Variants in CLSTN1 observed in about 807,000 individuals in gnomAD.
CLSTN1 encodes calsyntenin-1.
Under a neutral mutation model 108.3 loss-of-function variants are expected in CLSTN1, and 28 were observed. That is an observed-to-expected ratio of 0.26 (90% confidence interval 0.19 to 0.35). CLSTN1 has a LOEUF of 0.35. Among genes scored for constraint, CLSTN1 ranks in the 10% least tolerant of loss-of-function variants. The pLI is 1.00. For synonymous variants in CLSTN1, 524 were observed against 534.9 expected (o/e 0.98, Z 0.28); for missense variants, 1,157 against 1,302.6 (o/e 0.89, Z 1.72).
intron 1 of CLSTN1, among the ~76,000 whole-genome samples, chr1:9,802,137 A>C (rs920291684): frequency 6.6e-6 from 1 of 152,196 alleles, no homozygotes; most frequent in African/African-American, 2.4e-5. Context: ...AATGAGCCGC[A>C]GACTTGGGGT....
Position 9,749,825 on chromosome 1 carries a change from T to C in CLSTN1, c.738A>G (p.Arg246=). The C allele has an allele frequency of 1.2e-6, 2 of 1,614,204 alleles. No individual in the cohort carries two copies. The highest frequency in any genetic ancestry group is 1.7e-6 in the Non-Finnish European group (2 of 1,180,016). The change falls in exon 6 of 19, where the codon AGA becomes AGG. Residue 246 remains arginine (R), a synonymous_variant. Coordinates refer to ENST00000377298, the MANE Select transcript of CLSTN1 (RefSeq NM_001009566.3). ...TVTAYDCGKK[R]ATEDVLVKIS... ...TCTTCACCAAAACATCTTCTGTGGC[T>C]CTTTTCTTCCCACAGTCATAGGCAG...
At chr1:9,807,192 G>A (rs180819956) in intron 1 of CLSTN1, among the ~76,000 whole-genome samples, 2 of 152,118 alleles carry the variant, frequency 1.3e-5, no homozygotes, top group African/African-American at 4.8e-5. Flanking sequence ...CGTTAACAGC[G>A]CTTCCCAAGC....
intron 2 of CLSTN1, among the ~76,000 whole-genome samples, chr1:9,769,675 T>C (rs1652569478): frequency 6.6e-6 from 1 of 152,184 alleles, no homozygotes; most frequent in African/African-American, 2.4e-5. Flanking sequence ...GAAAATGTTC[T>C]GGAGTTAGAC....
intron 2 of CLSTN1, among the ~76,000 whole-genome samples, chr1:9,767,479 A>C (rs1179034200): frequency 1.3e-5 from 2 of 149,634 alleles, no homozygotes; most frequent in Non-Finnish European, 3.0e-5. Context: ...CAGGAGGCGG[A>C]GGTTGCAGTG....
intron 17 of CLSTN1, 151 bp from the exon 18 acceptor site, chr1:9,731,541 C>T: frequency 2.0e-6 from 2 of 984,710 alleles, no homozygotes; most frequent in Non-Finnish European, 3.0e-6. Context: ...GAAAAGCTCG[C>T]CATGGGCCTC....
At chr1:9,765,583 G>GA (rs112190704) in intron 2 of CLSTN1, among the ~76,000 whole-genome samples, 84 of 141,408 alleles carry the variant, frequency 5.9e-4, no homozygotes, top group South Asian at 4.0e-3. Context: ...CTCAAAAAAA[G>GA]AAAAAAAAAA....
At chr1:9,765,836 C>T (rs1347414331) in intron 2 of CLSTN1, among the ~76,000 whole-genome samples, 2 of 152,118 alleles carry the variant, frequency 1.3e-5, no homozygotes, top group East Asian at 1.9e-4. Context: ...AAGATCGCGC[C>T]ACTGCACTCC....
At chr1:9,790,232 C>T (rs1055517533) in intron 1 of CLSTN1, among the ~76,000 whole-genome samples, 1 of 151,270 alleles carries the variant, frequency 6.6e-6, no homozygotes, top group African/African-American at 2.4e-5. Context: ...TCCACAATGT[C>T]GCCAATTCTT....
chr1:9,743,653 T>C (rs1651091539), intron 9 of CLSTN1, among the ~76,000 whole-genome samples: 1 of 151,872 alleles, frequency 6.6e-6, no homozygotes, highest in African/African-American at 2.4e-5. Flanking sequence ...GCTCCATCAA[T>C]CATCCCACCT....
Position 9,741,219 on chromosome 1 carries a change from A to C in CLSTN1, c.1394T>G (p.Val465Gly). ...DEEWHHYVLN[V>G]EFPSVTLYVD... Reference sequence around the variant, plus strand: ...ATAGAGAGTCACACTCGGGAATTCTACATTGAGGACGTAGTGGTGCCATTC... The same window carrying C: ...ATAGAGAGTCACACTCGGGAATTCTCCATTGAGGACGTAGTGGTGCCATTC... Residue 465 changes from valine (V) to glycine (G), a missense_variant, in exon 10 of 19, where the codon GTA becomes GGA. Coordinates refer to ENST00000377298, the MANE Select transcript of CLSTN1 (RefSeq NM_001009566.3). 1 of 1,613,912 alleles carries C rather than the reference A, an allele frequency of 6.2e-7. No individual in the cohort carries two copies. The highest frequency in any genetic ancestry group is 1.7e-5 in the Admixed American group (1 of 60,008).
chr1:9,815,529 A>C (rs758505181), intron 1 of CLSTN1, among the ~76,000 whole-genome samples: 4 of 152,204 alleles, frequency 2.6e-5, no homozygotes, highest in African/African-American at 4.8e-5. Context: ...ACAAACTAGA[A>C]AACTGTGAAA....
chr1:9,767,813 T>C (rs1652422457), intron 2 of CLSTN1, among the ~76,000 whole-genome samples: 1 of 152,226 alleles, frequency 6.6e-6, no homozygotes, highest in Non-Finnish European at 1.5e-5. Context: ...ACGACTTTTG[T>C]AGAAAGATGA....
chr1:9,745,724 C>T (rs550363027), intron 7 of CLSTN1, among the ~76,000 whole-genome samples: 2 of 148,906 alleles, frequency 1.3e-5, no homozygotes, highest in Admixed American at 6.7e-5. Flanking sequence ...ATATTCCTAG[C>T]AATATTCTTC....
intron 1 of CLSTN1, among the ~76,000 whole-genome samples, chr1:9,796,750 C>T (rs557541498): frequency 5.1e-4 from 77 of 152,288 alleles, no homozygotes; most frequent in African/African-American, 1.8e-3. Flanking sequence ...CCTAAAAGGT[C>T]ACTGAATAAT....
chr1:9,747,141 T>G (rs1462571092), intron 7 of CLSTN1, among the ~76,000 whole-genome samples: 2 of 129,904 alleles, frequency 1.5e-5, no homozygotes, highest in Admixed American at 1.9e-4. Flanking sequence ...ATTGCGCCAC[T>G]GCACTCCAGC....
chr1:9,751,749 G>GTA, intron 4 of CLSTN1, 68 bp from the exon 5 acceptor site: 1 of 1,404,530 alleles, frequency 7.1e-7, no homozygotes, highest in South Asian at 1.2e-5. Flanking sequence ...CAGAGAGTGT[G>GTA]TATGTGTGTT....
chr1:9,814,173 G>C (rs1002400149), intron 1 of CLSTN1, among the ~76,000 whole-genome samples: 15 of 151,538 alleles, frequency 9.9e-5, no homozygotes, highest in African/African-American at 3.6e-4. Flanking sequence ...ACTTTGGGAG[G>C]CTGAGGCAGG....
intron 4 of CLSTN1, among the ~76,000 whole-genome samples, chr1:9,752,414 C>T (rs532628869): frequency 1.3e-5 from 2 of 152,302 alleles, no homozygotes; most frequent in Admixed American, 1.3e-4. Context: ...GAAACAATAA[C>T]ATTACACTGT....
At chr1:9,780,769 TA>T (rs1653203443) in intron 1 of CLSTN1, 2 of 163,648 alleles carry the variant, frequency 1.2e-5, no homozygotes, top group South Asian at 3.7e-4. Flanking sequence ...CGGAAGTCTA[TA>T]CCTGACTCAT....
Sources: gnomAD v4.1 joint callset for allele counts (sites outside exome capture counted in the v4.1 genomes callset) on GRCh38, gnomAD v4.1.1 for gene constraint, MANE v1.5 for transcripts, NCBI Gene and HGNC (gene_info 2026-07-23, HGNC 2026-07-21) for gene names.